AKAP6: variants seen among roughly 807,000 people sequenced by gnomAD.
AKAP6 encodes the protein A-kinase anchor protein 6.
A neutral mutation model predicts 188.5 loss-of-function variants in AKAP6; 58 were observed. The observed-to-expected ratio is 0.31, with a 90% CI of 0.25 to 0.38. The LOEUF (loss-of-function observed/expected upper bound fraction) is 0.38, where lower values mean the gene tolerates loss of function less well. Ranked by LOEUF, AKAP6 falls within the 10% of genes least tolerant of loss-of-function variation. The pLI is 1.00. For synonymous variants in AKAP6, 989 were observed against 998.6 expected, an observed-to-expected ratio of 0.99 and a Z score of 0.18; for missense variants, 2,710 against 2,740.0, an observed-to-expected ratio of 0.99 and a Z score of 0.24.
intron 11 of AKAP6, among the ~76,000 whole-genome samples, chr14:32,751,038 C>T (rs1412404498): frequency 6.6e-6 from 1 of 152,032 alleles, no homozygotes; most frequent in Non-Finnish European, 1.5e-5. Flanking sequence ...CCAGCCTGTT[C>T]ATTCTTTATA....
intron 7 of AKAP6, chr14:32,628,148 AC>A (rs2139442438): frequency 6.6e-6 from 1 of 152,250 alleles, no homozygotes; most frequent in South Asian, 2.1e-4. Context: ...AGTGCTCATT[AC>A]TGCTAAATAA....
chr14:32,764,758 A>G (rs879494548), intron 11 of AKAP6, among the ~76,000 whole-genome samples: 2 of 152,052 alleles, frequency 1.3e-5, no homozygotes, highest in Non-Finnish European at 2.9e-5. Flanking sequence ...GGATTAAATG[A>G]TTCAATACAT....
At chr14:32,744,640 A>T (rs1467677378) in intron 11 of AKAP6, among the ~76,000 whole-genome samples, 1 of 152,060 alleles carries the variant, frequency 6.6e-6, no homozygotes, top group Non-Finnish European at 1.5e-5. Context: ...TCTTGTACTT[A>T]TTGATATTTT....
intron 4 of AKAP6, among the ~76,000 whole-genome samples, chr14:32,550,024 G>T (rs139043968): frequency 6.6e-6 from 1 of 152,322 alleles, no homozygotes; most frequent in Admixed American, 6.5e-5. Context: ...CAGAAAACTG[G>T]TTCTAGACCT....
intron 8 of AKAP6, among the ~76,000 whole-genome samples, chr14:32,681,162 C>T (rs1394686293): frequency 6.6e-6 from 1 of 152,204 alleles, no homozygotes; most frequent in Non-Finnish European, 1.5e-5. Context: ...TTATCAAGAA[C>T]AATTACTTTC....
chr14:32,409,496 A>G (rs578163141), intron 1 of AKAP6, among the ~76,000 whole-genome samples: 1 of 152,176 alleles, frequency 6.6e-6, no homozygotes, highest in Non-Finnish European at 1.5e-5. Context: ...CAACTGAACC[A>G]TCTTCTTCAA....
At chr14:32,486,213 C>T (rs1251759617) in intron 2 of AKAP6, among the ~76,000 whole-genome samples, 1 of 47,150 alleles carries the variant, frequency 2.1e-5, no homozygotes, top group Non-Finnish European at 3.8e-5. Context: ...GTTTTGGTTA[C>T]CGTATGCTTG....
chr14:32,415,849 T>G (rs146246929), intron 1 of AKAP6, among the ~76,000 whole-genome samples: 1 of 152,214 alleles, frequency 6.6e-6, no homozygotes, highest in African/African-American at 2.4e-5. Flanking sequence ...ATCCATGTTA[T>G]AGACTATATC....
In AKAP6 at chr14:32,824,425, A is replaced by T. The variant is rs1292680239; in HGVS notation, c.6612A>T (p.Ser2204=). 6.2e-7 allele frequency: 1 copy of T among 1,613,930 alleles called. No homozygotes were observed. Among genetic ancestry groups the T allele is most frequent in the South Asian group, 1.1e-5 (1 of 91,082 alleles). The part of the protein sequence containing the change: ...CSSEFSDSSL[S]ADDADTVALS... ...CTGAGTTCAGTGATAGTTCTCTTTC[A>T]GCTGATGATGCAGATACAGTGGCTC... Residue 2204 remains serine (S), a synonymous_variant, in exon 13 of 14, where the codon TCA becomes TCT. Coordinates refer to ENST00000280979, the MANE Select transcript of AKAP6 (RefSeq NM_004274.5).
At chr14:32,706,808 C>G (rs968978362) in intron 9 of AKAP6, among the ~76,000 whole-genome samples, 4 of 151,972 alleles carry the variant, frequency 2.6e-5, no homozygotes, top group Non-Finnish European at 5.9e-5. Flanking sequence ...ACAAAACACA[C>G]AAACACACTA....
At chr14:32,463,458 G>GC (rs1445362500) in intron 2 of AKAP6, among the ~76,000 whole-genome samples, 1 of 152,122 alleles carries the variant, frequency 6.6e-6, no homozygotes, top group African/African-American at 2.4e-5. Context: ...ACTCAAAACT[G>GC]CACAACTACG....
intron 6 of AKAP6, 60 bp downstream of exon 6, chr14:32,599,566 C>T: frequency 1.5e-6 from 2 of 1,359,096 alleles, no homozygotes; most frequent in Non-Finnish European, 2.1e-6. Context: ...AATGAAGAAG[C>T]ATTGCTGTAA....
chr14:32,800,458 T>C (rs1257587740), intron 12 of AKAP6, among the ~76,000 whole-genome samples: 2 of 152,050 alleles, frequency 1.3e-5, no homozygotes, highest in East Asian at 3.9e-4. Flanking sequence ...CTGTTTCTCC[T>C]TGCAGTTCTT....
intron 9 of AKAP6, among the ~76,000 whole-genome samples, chr14:32,727,178 C>CT (rs2030915232): frequency 1.3e-5 from 2 of 152,100 alleles, no homozygotes; most frequent in Non-Finnish European, 2.9e-5. Context: ...CTATAGGAGA[C>CT]TTTTTTCTCA....
intron 11 of AKAP6, among the ~76,000 whole-genome samples, chr14:32,739,843 A>C: frequency 6.6e-6 from 1 of 152,156 alleles, no homozygotes; most frequent in East Asian, 1.9e-4. Context: ...ATGAGAGTGC[A>C]GAAATTTCTT....
intron 1 of AKAP6, among the ~76,000 whole-genome samples, chr14:32,370,825 T>C (rs1887981779): frequency 6.6e-6 from 1 of 152,224 alleles, no homozygotes. Flanking sequence ...GGGCAGATTT[T>C]AGTACTGGAG....
At chr14:32,437,839 A>T (rs1241428849) in intron 2 of AKAP6, among the ~76,000 whole-genome samples, 1 of 152,050 alleles carries the variant, frequency 6.6e-6, no homozygotes. Flanking sequence ...GGCTCAAGCG[A>T]TCTTCTAGCC....
At chr14:32,649,088 C>T (rs774014846) in intron 7 of AKAP6, among the ~76,000 whole-genome samples, 2 of 152,054 alleles carry the variant, frequency 1.3e-5, no homozygotes, top group Non-Finnish European at 2.9e-5. Context: ...AACCAGTCTT[C>T]GGGTCTCATA....
intron 2 of AKAP6, among the ~76,000 whole-genome samples, chr14:32,465,964 A>G (rs1043057447): frequency 5.3e-5 from 8 of 152,230 alleles, no homozygotes. Flanking sequence ...CAGCCAACAA[A>G]CATATGAAAA....
Sources: gnomAD v4.1 joint callset for allele counts (sites outside exome capture counted in the v4.1 genomes callset) on GRCh38, gnomAD v4.1.1 for gene constraint, MANE v1.5 for transcripts, NCBI Gene and HGNC (gene_info 2026-07-23, HGNC 2026-07-21) for gene names.